ITSN2: variants seen among roughly 807,000 people sequenced by gnomAD.
ITSN2 encodes intersectin-2.
ITSN2 carries 156 observed loss-of-function variants against 243.7 expected under a neutral mutation model. The ratio of observed to expected loss-of-function variants is 0.64; its 90% CI spans 0.56 to 0.73. The LOEUF (loss-of-function observed/expected upper bound fraction) is 0.73. ITSN2 is among the 30% of genes least tolerant of loss of function. ITSN2 has a pLI of 0.00. For missense variants in ITSN2, 1,801 were observed against 1,996.1 expected, an observed-to-expected ratio of 0.90 and a Z score of 1.86; for synonymous variants, 703 against 699.9, an observed-to-expected ratio of 1.00 and a Z score of -0.07.
In ITSN2 at chr2:24,341,544, T is replaced by C. The variant is rs939374983; in HGVS notation, c.-33-13429A>G. On this transcript the variant is annotated intron_variant, in intron 1 of 39. Coordinates refer to ENST00000355123, the MANE Select transcript of ITSN2 (RefSeq NM_006277.3). Reference sequence around the variant, plus strand: ...TGTAGTTCTAGCACAGTGATGGCTATAGAAGCCAAATTGAAGTAGATTAGG... The same window carrying C: ...TGTAGTTCTAGCACAGTGATGGCTACAGAAGCCAAATTGAAGTAGATTAGG... 5.3e-5 allele frequency among the ~76,000 whole-genome samples: 8 copies of C among 152,250 alleles called. No homozygotes were observed. In the East Asian group the frequency reaches 1.3e-3, roughly 26 times the overall value.
intron 1 of ITSN2, among the ~76,000 whole-genome samples, chr2:24,333,064 C>T (rs541676731): frequency 6.6e-6 from 1 of 152,322 alleles, no homozygotes; most frequent in East Asian, 1.9e-4. Flanking sequence ...ATACTGTACT[C>T]ATTTCACAGA....
At position 24,258,106 on chromosome 2, in the gene ITSN2, A is replaced by G; in HGVS notation, c.2683-13T>C. 1 of 1,601,356 alleles carries G rather than the reference A, an allele frequency of 6.2e-7. No individual in the cohort carries two copies. Among genetic ancestry groups the G allele is most frequent in the Non-Finnish European group, 8.5e-7 (1 of 1,169,954 alleles). On this transcript the variant is annotated splice_polypyrimidine_tract_variant and intron_variant, in intron 22 of 39. Transcript: ENST00000355123. ...CTACCACTTGTCCCTATGAATACAA[A>G]ACCACCAAAAATTTTTAAAAGGCAA... is the stretch of plus-strand genomic sequence containing the variant.
At chr2:24,222,165 T>C (rs1002471439) in intron 29 of ITSN2, among the ~76,000 whole-genome samples, 1 of 140,974 alleles carries the variant, frequency 7.1e-6, no homozygotes, top group Admixed American at 7.9e-5. Flanking sequence ...GGCAGCAGAA[T>C]GGTGTGAACC....
chr2:24,339,190 T>C (rs1206428484), intron 1 of ITSN2, among the ~76,000 whole-genome samples: 3 of 152,124 alleles, frequency 2.0e-5, no homozygotes, highest in African/African-American at 7.2e-5. Flanking sequence ...AGTCACTTCA[T>C]CTTAAGAGGT....
rs55642984 is a variant in ITSN2, at chr2:24,212,048, G to A, written c.4089+602C>T. ...AAGTTACTGTAATCAATGGTTAATCGTGGGATAATCTTTTGTAAAGTCTGC... is the reference window on the plus strand; with the variant it reads ...AAGTTACTGTAATCAATGGTTAATCATGGGATAATCTTTTGTAAAGTCTGC... On this transcript the variant is annotated intron_variant, in intron 33 of 39. Transcript: ENST00000355123. Among the ~76,000 whole-genome samples, 495 of 152,290 alleles carry A rather than the reference G, an allele frequency of 3.3e-3. 2 individuals carry two copies. Among genetic ancestry groups the A allele is most frequent in the Non-Finnish European group, 5.5e-3 (373 of 68,030 alleles).
Position 24,302,185 on chromosome 2 carries a change from T to TTTTA in ITSN2, c.858-87_858-84dup, listed in dbSNP as rs200718095. Reference sequence around the variant, plus strand: ...CTTAAAAGTTCAATTTTTATTTTACTTTTATTTATTTATTTATTTATTTAT... The same window carrying TTTTA: ...CTTAAAAGTTCAATTTTTATTTTACTTTTATTTATTTATTTATTTATTTATTTAT... On this transcript the variant is annotated intron_variant, in intron 9 of 39. Transcript: ENST00000355123. 2,224 of 774,522 alleles carry TTTTA rather than the reference T, an allele frequency of 2.9e-3. 22 individuals are homozygous for TTTTA. Among genetic ancestry groups the TTTTA allele is most frequent in the African/African-American group, 0.019 (996 of 53,248 alleles). 48.0% of individuals were successfully genotyped at this position (774,522 alleles called of 1,614,324 possible). A position where few individuals can be genotyped will look rare whatever the true frequency, so the allele number is the denominator to read the frequency against.
At chr2:24,264,184 G>A (rs1287169623) in intron 20 of ITSN2, among the ~76,000 whole-genome samples, 2 of 152,058 alleles carry the variant, frequency 1.3e-5, no homozygotes, top group Non-Finnish European at 1.5e-5. Flanking sequence ...CTGAGGTCGG[G>A]AGTTTGAGAC....
intron 35 of ITSN2, among the ~76,000 whole-genome samples, chr2:24,209,533 T>C (rs1473466625): frequency 6.6e-6 from 1 of 152,208 alleles, no homozygotes; most frequent in Non-Finnish European, 1.5e-5. Flanking sequence ...GGGGCTCGGC[T>C]TACAGAGACC....
rs768573927 is a variant in ITSN2, at chr2:24,313,518, G to A, written c.130C>T (p.Gln44Ter). 6.2e-7 allele frequency: 1 copy of A among 1,612,870 alleles called. No homozygotes were observed. The highest frequency in any genetic ancestry group is 8.5e-7 in the Non-Finnish European group (1 of 1,179,380). Residue 44 changes from glutamine (Q) to a stop codon, truncating the protein, a stop_gained, in exon 4 of 40, where the codon CAA becomes TAA. Coordinates refer to ENST00000355123, the MANE Select transcript of ITSN2 (RefSeq NM_006277.3). LOFTEE classifies it high-confidence loss of function. ...KPSGGYITGD[Q>*]ARNFFLQSGL... The stretch of plus-strand genomic sequence containing the variant: ...GATTGTAGGAAAAAATTACGTGCTT[G>A]ATCACCTGGAGGTAATAAAAACAAA...
chr2:24,302,541 T>A (rs928355821), intron 9 of ITSN2, among the ~76,000 whole-genome samples: 11 of 152,222 alleles, frequency 7.2e-5, no homozygotes, highest in African/African-American at 9.6e-5. Context: ...GTAAAACTGC[T>A]GGGTACACTT....
chr2:24,347,405 G>A (rs1323612796), intron 1 of ITSN2, among the ~76,000 whole-genome samples: 1 of 151,992 alleles, frequency 6.6e-6, no homozygotes, highest in Non-Finnish European at 1.5e-5. Flanking sequence ...ACAAATTGTA[G>A]GCCAGGCACT....
At chr2:24,226,593 A>T (rs1671054863) in intron 29 of ITSN2, among the ~76,000 whole-genome samples, 1 of 152,162 alleles carries the variant, frequency 6.6e-6, no homozygotes, top group South Asian at 2.1e-4. Flanking sequence ...GAGTTCTATT[A>T]GCGGTAAATG....
chr2:24,273,991 A>G (rs1218994975), intron 18 of ITSN2, among the ~76,000 whole-genome samples: 2 of 152,208 alleles, frequency 1.3e-5, no homozygotes, highest in Non-Finnish European at 2.9e-5. Context: ...TCTCTTCTCT[A>G]CTACCTAATG....
At chr2:24,248,903 G>A in intron 25 of ITSN2, 21 bp from the exon 26 acceptor site, 1 of 1,610,378 alleles carries the variant, frequency 6.2e-7, no homozygotes, top group Non-Finnish European at 8.5e-7. Flanking sequence ...AAGATACCGT[G>A]TTGTTTTATT....
intron 29 of ITSN2, among the ~76,000 whole-genome samples, chr2:24,227,250 C>T (rs1671123179): frequency 6.7e-6 from 1 of 148,780 alleles, no homozygotes; most frequent in Non-Finnish European, 1.5e-5. Flanking sequence ...CATGAGATTC[C>T]ACAGAAAAAC....
At chr2:24,285,671 T>C (rs1383462129) in intron 16 of ITSN2, among the ~76,000 whole-genome samples, 2 of 152,240 alleles carry the variant, frequency 1.3e-5, no homozygotes, top group Non-Finnish European at 2.9e-5. Context: ...AGTCTATGTT[T>C]TGGACATCTG....
chr2:24,220,699 C>T (rs759304506), intron 30 of ITSN2: 65 of 1,310,216 alleles, frequency 5.0e-5, no homozygotes, highest in Non-Finnish European at 5.9e-5. Context: ...CTTGTTCTCC[C>T]GCTTCACTCT....
chr2:24,335,466 A>G (rs1369881937), intron 1 of ITSN2, among the ~76,000 whole-genome samples: 1 of 152,014 alleles, frequency 6.6e-6, no homozygotes, highest in Non-Finnish European at 1.5e-5. Flanking sequence ...CTGAGGAGCT[A>G]GGACTACAGG....
At chr2:24,220,677 T>C in intron 30 of ITSN2, 1 of 1,279,668 alleles carries the variant, frequency 7.8e-7, no homozygotes, top group Non-Finnish European at 9.8e-7. Context: ...AACGAAGCCA[T>C]GCGAATGCCC....
Sources: gnomAD v4.1 joint callset for allele counts (sites outside exome capture counted in the v4.1 genomes callset) on GRCh38, gnomAD v4.1.1 for gene constraint, MANE v1.5 for transcripts, NCBI Gene and HGNC (gene_info 2026-07-23, HGNC 2026-07-21) for gene names.